The following SERPINE2 variants were observed in gnomAD, a reference collection of about 807,000 sequenced individuals.
SERPINE2 encodes glia-derived nexin.
SERPINE2 carries 14 observed loss-of-function variants against 36.3 expected under a neutral mutation model. That is an observed-to-expected ratio of 0.39 (90% CI 0.25 to 0.60). SERPINE2 has a LOEUF of 0.60. Ranked by LOEUF, SERPINE2 falls within the 20% of genes least tolerant of loss-of-function variation. SERPINE2 has a pLI of 0.57. For synonymous variants in SERPINE2, 192 were observed against 191.8 expected, an observed-to-expected ratio of 1.00 and a Z score of -0.01; for missense variants, 418 against 499.6, an observed-to-expected ratio of 0.84 and a Z score of 1.56.
intron 2 of SERPINE2, among the ~76,000 whole-genome samples, chr2:223,999,718 A>G (rs935040103): frequency 2.0e-5 from 3 of 152,228 alleles, no homozygotes; most frequent in South Asian, 2.1e-4. Flanking sequence ...CAACGGGCCA[A>G]TATTCTTAGA....
intron 1 of SERPINE2, among the ~76,000 whole-genome samples, chr2:224,023,741 G>A (rs143469090): frequency 6.6e-6 from 1 of 152,328 alleles, no homozygotes; most frequent in African/African-American, 2.4e-5. Context: ...TCTTTTATTA[G>A]GTGACTAAAG....
In SERPINE2 at chr2:224,005,034, ATATAAATATATTT is replaced by A. The variant is rs1205318144; in HGVS notation, c.-22-3125_-22-3113del. Reference sequence around the variant, plus strand: ...AGTATTATATATTATATTATATAATATATAAATATATTTTATATATTTTATATATATTATATAT... The same window carrying A: ...AGTATTATATATTATATTATATAATATATATATTTTATATATATTATATAT... On this transcript the variant is annotated intron_variant, in intron 1 of 8. Transcript: ENST00000409304. 5.3e-5 allele frequency among the ~76,000 whole-genome samples: 4 copies of A among 74,838 alleles called. 1 individual carries two copies. Among genetic ancestry groups the A allele is most frequent in the Non-Finnish European group, 1.1e-4 (4 of 36,150 alleles). The allele number at this position is 74,838 out of a possible 152,430, so 49.1% of individuals were successfully genotyped here. A position where few individuals can be genotyped will look rare whatever the true frequency, so the allele number is the denominator to read the frequency against.
At chr2:224,015,911 T>TAGTTTAAGAGTTTA (rs1691784788) in intron 1 of SERPINE2, among the ~76,000 whole-genome samples, 1 of 152,152 alleles carries the variant, frequency 6.6e-6, no homozygotes, top group Non-Finnish European at 1.5e-5. Flanking sequence ...GTATCTAGAC[T>TAGTTTAAGAGTTTA]ACACAGAAAA....
intron 1 of SERPINE2, among the ~76,000 whole-genome samples, chr2:224,007,416 C>T (rs143049930): frequency 7.2e-5 from 11 of 152,148 alleles, no homozygotes; most frequent in African/African-American, 2.6e-4. Context: ...ATTTAATACT[C>T]CCCCCCATAC....
chr2:223,996,769 C>T (rs890763281), intron 3 of SERPINE2, among the ~76,000 whole-genome samples: 3 of 152,208 alleles, frequency 2.0e-5, no homozygotes, highest in African/African-American at 7.2e-5. Flanking sequence ...TATTGACTCT[C>T]TCCCTTCTAT....
Position 224,039,035 on chromosome 2 carries a change from G to C in SERPINE2, c.-23+64C>G, listed in dbSNP as rs1692622261. 1 of 151,352 alleles carries C rather than the reference G, an allele frequency of 6.6e-6. No individual in the cohort carries two copies. Among genetic ancestry groups the C allele is most frequent in the East Asian group, 1.9e-4 (1 of 5,146 alleles). The allele number at this position is 151,352 out of a possible 1,614,324, so 9.4% of individuals were successfully genotyped here. A position where few individuals can be genotyped will look rare whatever the true frequency, so the allele number is the denominator to read the frequency against. Reference sequence around the variant, plus strand: ...GGGCCGGTGGCGCGCGGAGCCCCGGGGAGCGTCCCCCGCCGAGGGCAGCGC... The same window carrying C: ...GGGCCGGTGGCGCGCGGAGCCCCGGCGAGCGTCCCCCGCCGAGGGCAGCGC... On this transcript the variant is annotated intron_variant, in intron 1 of 8. Coordinates refer to ENST00000409304, the MANE Select transcript of SERPINE2 (RefSeq NM_001136528.2). The surrounding 1 kb of genome is among the most constrained non-coding windows in gnomAD (Gnocchi z 5.2).
intron 1 of SERPINE2, among the ~76,000 whole-genome samples, chr2:224,017,233 G>C (rs1691828286): frequency 6.7e-6 from 1 of 150,070 alleles, no homozygotes; most frequent in East Asian, 2.0e-4. Flanking sequence ...AGGAAACCAG[G>C]TAAAGGGTAC....
intron 1 of SERPINE2, among the ~76,000 whole-genome samples, chr2:224,034,728 C>G (rs1405174679): frequency 6.6e-6 from 1 of 152,176 alleles, no homozygotes; most frequent in Non-Finnish European, 1.5e-5. Flanking sequence ...GCCTATGCCT[C>G]CATATTTACA....
intron 1 of SERPINE2, among the ~76,000 whole-genome samples, chr2:224,034,002 C>T (rs1692459569): frequency 1.3e-5 from 2 of 152,156 alleles, no homozygotes; most frequent in Admixed American, 1.3e-4. Context: ...GAGAGAGCTC[C>T]CCTTTGAGTC....
intron 1 of SERPINE2, among the ~76,000 whole-genome samples, chr2:224,002,709 C>G (rs957315532): frequency 6.9e-6 from 1 of 145,434 alleles, no homozygotes; most frequent in Non-Finnish European, 1.5e-5. Context: ...CTGTGTTTGC[C>G]AGGCTGGTCT....
Position 223,979,457 on chromosome 2 carries a change from T to C in SERPINE2, c.1072+854A>G, listed in dbSNP as rs1001754516. On this transcript the variant is annotated intron_variant, in intron 7 of 8. Coordinates refer to ENST00000409304, the MANE Select transcript of SERPINE2 (RefSeq NM_001136528.2). ...TATTCGAGAAAGGCAATAACACATC[T>C]ATTGTGAGTATAACTGGTATGTTTC... 3.9e-5 allele frequency: 6 copies of C among 152,380 alleles called. No homozygotes were observed. The South Asian group carries it at 6.2e-4, about 16-fold the overall frequency. The allele number at this position is 152,380 out of a possible 1,614,324, so 9.4% of individuals were successfully genotyped here. A position where few individuals can be genotyped will look rare whatever the true frequency, so the allele number is the denominator to read the frequency against.
intron 1 of SERPINE2, among the ~76,000 whole-genome samples, chr2:224,016,539 GTTTATTA>G (rs1691806617): frequency 1.3e-5 from 2 of 151,610 alleles, no homozygotes; most frequent in African/African-American, 4.8e-5. Context: ...GGTAGTTTCT[GTTTATTA>G]TTTATTTTTT....
chr2:224,038,180 A>G (rs861442), intron 1 of SERPINE2, among the ~76,000 whole-genome samples: 97,748 of 151,998 alleles, frequency 0.64, 31,670 homozygotes, highest in South Asian at 0.71. Flanking sequence ...ATTCAGACAA[A>G]TAAACGGCTT....
chr2:223,982,694 A>C lies in SERPINE2; in HGVS notation c.972T>G (p.Phe324Leu). The change falls in exon 6 of 9, where the codon TTT becomes TTG. Residue 324 changes from phenylalanine to leucine, a missense_variant. Phe to Leu is a conservative substitution (Grantham distance 22, BLOSUM62 0). Transcript: ENST00000409304. ...TDMFDSSKAN[F>L]AKITRSENLH... ...AATTGAACATACTTGTTATTTTTGC[A>C]AAATTTGCCTTTGATGAATCAAACA... 6.2e-7 allele frequency: 1 copy of C among 1,611,608 alleles called. No individual in the cohort carries two copies. The highest frequency in any genetic ancestry group is 8.5e-7 in the Non-Finnish European group (1 of 1,178,846).
intron 1 of SERPINE2, among the ~76,000 whole-genome samples, chr2:224,010,136 T>C (rs1410953664): frequency 6.6e-6 from 1 of 152,196 alleles, no homozygotes; most frequent in Non-Finnish European, 1.5e-5. Context: ...CTCAGCATCT[T>C]TAAAATTTAG....
At chr2:224,038,885 G>A (rs1028606685) in intron 1 of SERPINE2, 11 of 215,856 alleles carry the variant, frequency 5.1e-5, no homozygotes, top group Non-Finnish European at 9.0e-5. Context: ...GGGATGCCCG[G>A]CGAGCACCCA....
rs561166561 is a variant in SERPINE2, at chr2:223,983,626, T to C, written c.885-845A>G. Among the ~76,000 whole-genome samples, 29 of 151,874 alleles carry C rather than the reference T, an allele frequency of 1.9e-4. 1 individual carries two copies. The East Asian group carries it at 2.7e-3, about 14-fold the overall frequency. ...TAGGCATAGGTGACACGGTATTATA[T>C]TTGGGTATAATATAGGTTTCTTGAA... On this transcript the variant is annotated intron_variant, in intron 5 of 8. Transcript: ENST00000409304.
intron 1 of SERPINE2, among the ~76,000 whole-genome samples, chr2:224,020,116 A>G (rs1271230533): frequency 6.6e-6 from 1 of 152,180 alleles, no homozygotes; most frequent in East Asian, 1.9e-4. Flanking sequence ...ATGCATTTTA[A>G]TATGGTATCA....
At chr2:224,028,256 C>T (rs1202967877) in intron 1 of SERPINE2, among the ~76,000 whole-genome samples, 4 of 152,208 alleles carry the variant, frequency 2.6e-5, no homozygotes, top group Non-Finnish European at 5.9e-5. Context: ...TCCTATTTCC[C>T]ATTTCCCTGC....
Sources: gnomAD v4.1 joint callset for allele counts (sites outside exome capture counted in the v4.1 genomes callset) on GRCh38, gnomAD v4.1.1 for gene constraint, Gnocchi (gnomAD v3.1) non-coding constraint, MANE v1.5 for transcripts, NCBI Gene and HGNC (gene_info 2026-07-23, HGNC 2026-07-21) for gene names.